KYNU: variants seen among roughly 807,000 people sequenced by gnomAD.
KYNU encodes kynureninase, also known as L-kynurenine hydrolase.
Under a neutral mutation model 59.2 loss-of-function variants are expected in KYNU, and 54 were observed. The observed-to-expected ratio is 0.91, with a 90% confidence interval of 0.73 to 1.14. The LOEUF (loss-of-function observed/expected upper bound fraction) is 1.14, where lower values mean the gene tolerates loss of function less well. Ranked by LOEUF, KYNU falls within the 50% of genes most tolerant of loss-of-function variation. The probability of loss-of-function intolerance (pLI) is 0.00; values close to 1 mark genes in which losing one functional copy is unlikely to be tolerated. For missense variants in KYNU, 567 were observed against 554.4 expected, an observed-to-expected ratio of 1.02 and a Z score of -0.23; for synonymous variants, 177 against 192.0, an observed-to-expected ratio of 0.92 and a Z score of 0.65.
intron 4 of KYNU, chr2:142,947,183 C>T (rs1216815161): frequency 3.6e-5 from 56 of 1,550,954 alleles, no homozygotes; most frequent in Non-Finnish European, 4.4e-5. Context: ...ATCTTGCTAA[C>T]GCAGACACCT....
chr2:143,000,728 T>C (rs1685685798), intron 10 of KYNU, among the ~76,000 whole-genome samples: 1 of 152,200 alleles, frequency 6.6e-6, no homozygotes, highest in East Asian at 1.9e-4. Context: ...AGATACTAAG[T>C]GAAACTGGGC....
intron 2 of KYNU, among the ~76,000 whole-genome samples, chr2:142,893,109 A>C (rs544044315): frequency 6.6e-6 from 1 of 152,354 alleles, no homozygotes; most frequent in East Asian, 1.9e-4. Flanking sequence ...GGAAAAATGA[A>C]ATGCATGTAG....
At chr2:142,961,294 T>A (rs1209539945) in intron 8 of KYNU, among the ~76,000 whole-genome samples, 1 of 145,530 alleles carries the variant, frequency 6.9e-6, no homozygotes, top group Non-Finnish European at 1.5e-5. Context: ...TTTTTTTTTT[T>A]TTTTTGCCAC....
intron 12 of KYNU, among the ~76,000 whole-genome samples, chr2:143,034,795 T>G (rs1404324990): frequency 6.6e-6 from 1 of 152,218 alleles, no homozygotes; most frequent in Non-Finnish European, 1.5e-5. Flanking sequence ...CTGCATTCCT[T>G]GCAAGTTTGT....
At chr2:142,965,229 C>T (rs1472814701) in intron 8 of KYNU, among the ~76,000 whole-genome samples, 1 of 152,208 alleles carries the variant, frequency 6.6e-6, no homozygotes, top group East Asian at 1.9e-4. Flanking sequence ...CACAAGATGT[C>T]TCTACTGTAT....
At chr2:142,971,308 ATGTGTGTGTG>A (rs5834932) in intron 8 of KYNU, 1 of 149,376 alleles carries the variant, frequency 6.7e-6, no homozygotes, top group Non-Finnish European at 1.5e-5. Context: ...CCACAACATT[ATGTGTGTGTG>A]TGTGTGTGTG....
Position 142,986,017 on chromosome 2 carries a change from C to A in KYNU, c.898C>A (p.Pro300Thr). Residue 300 changes from proline (P) to threonine (T), a missense_variant, in exon 10 of 14, where the codon CCT becomes ACT. Physicochemically the swap from Pro to Thr is conservative, Grantham distance 38. Transcript: ENST00000264170. ...IHEKHAHTIK[P>T]ALVGWFGHEL... ...TGAAAAGCATGCCCATACGATTAAA[C>A]CTGCGTGAGTACCATCTTCAGCTAA... 1 of 1,606,056 alleles carries A rather than the reference C, an allele frequency of 6.2e-7. No individual in the cohort carries two copies. Among genetic ancestry groups the A allele is most frequent in the Non-Finnish European group, 8.5e-7 (1 of 1,173,500 alleles).
In KYNU at chr2:143,018,731, G is replaced by A. The variant is rs547676356; in HGVS notation, c.903-10896G>A. Among the ~76,000 whole-genome samples the A allele has an allele frequency of 9.7e-4, 147 of 152,100 alleles. 1 individual carries two copies. The highest frequency in any genetic ancestry group is 3.3e-3 in the African/African-American group (138 of 41,528). On this transcript the variant is annotated intron_variant, in intron 10 of 13. Coordinates refer to ENST00000264170, the MANE Select transcript of KYNU (RefSeq NM_003937.3). The stretch of plus-strand genomic sequence containing the variant: ...GTTGAATCTGTAGATTGCTTTGAAC[G>A]GTATAGTCATTTTAACAATATTGAT...
Position 143,050,497 on chromosome 2 carries a change from C to A in KYNU, c.*8325C>A, listed in dbSNP as rs151282890. 2 of 152,136 alleles carry A rather than the reference C, an allele frequency of 1.3e-5. No homozygotes were observed. The highest frequency in any genetic ancestry group is 1.3e-4 in the Admixed American group (2 of 15,270). 9.4% of individuals were successfully genotyped at this position (152,136 alleles called of 1,614,324 possible). A position where few individuals can be genotyped will look rare whatever the true frequency, so the allele number is the denominator to read the frequency against. ...ATCTCATTCCTCAATACTATGGCTA[C>A]GTAGTATTCCATGGTGTATATATAC... On this transcript the variant is annotated 3_prime_UTR_variant, in exon 14 of 14. Transcript: ENST00000264170.
chr2:142,973,597 G>C lies in KYNU; in HGVS notation c.730-11487G>C, dbSNP rs138162524. On this transcript the variant is annotated intron_variant, in intron 8 of 13. Transcript: ENST00000264170. ...TTGCAGCAGCTTTCCCTCTAATTAA[G>C]AGCTTGCAAGCCTCCGTGTGCTTGG... Among the ~76,000 whole-genome samples, 34 of 152,138 alleles carry C rather than the reference G, an allele frequency of 2.2e-4. No homozygotes were observed. In the East Asian group the frequency reaches 5.0e-3, roughly 22 times the overall value.
At position 143,042,628 on chromosome 2, in the gene KYNU, A is replaced by ATG. The variant is rs1687091294; in HGVS notation, c.*457_*458insGT. 2 of 118,430 alleles carry ATG rather than the reference A, an allele frequency of 1.7e-5. No homozygotes were observed. Among genetic ancestry groups the ATG allele is most frequent in the Non-Finnish European group, 3.4e-5 (2 of 58,230 alleles). 7.3% of individuals were successfully genotyped at this position (118,430 alleles called of 1,614,324 possible). A position where few individuals can be genotyped will look rare whatever the true frequency, so the allele number is the denominator to read the frequency against. The stretch of plus-strand genomic sequence containing the variant: ...TATATATATATATATATATATATAT[A>ATG]TATGTGTGTGTGTGTGTGTGTATAT... On this transcript the variant is annotated 3_prime_UTR_variant, in exon 14 of 14. Coordinates refer to ENST00000264170, the MANE Select transcript of KYNU (RefSeq NM_003937.3).
At position 142,885,384 on chromosome 2, in the gene KYNU, T is replaced by A; in HGVS notation, c.17T>A (p.Leu6His). ...CAACTTGTAATGGAGCCTTCATCTC[T>A]TGAGCTGCCGGCTGACACAGTGCAG... Reference protein sequence around the residue: MEPSSLELPADTVQRI... With the variant: MEPSSHELPADTVQRI... Residue 6 changes from leucine (L) to histidine (H), a missense_variant, in exon 2 of 14, where the codon CTT becomes CAT. By Grantham distance (99) the Leu-to-His change is moderately conservative. Coordinates refer to ENST00000264170, the MANE Select transcript of KYNU (RefSeq NM_003937.3). 1 of 1,613,988 alleles carries A rather than the reference T, an allele frequency of 6.2e-7. No homozygotes were observed. The highest frequency in any genetic ancestry group is 8.5e-7 in the Non-Finnish European group (1 of 1,179,926).
chr2:142,947,696 ATATAC>A (rs1220982394), intron 4 of KYNU: 1 of 155,668 alleles, frequency 6.4e-6, no homozygotes, highest in African/African-American at 2.4e-5. Context: ...TCCCCTAGTA[ATATAC>A]TCTTTGGCAA....
chr2:143,003,297 C>T (rs1164879587), intron 10 of KYNU, among the ~76,000 whole-genome samples: 1 of 152,080 alleles, frequency 6.6e-6, no homozygotes, highest in Non-Finnish European at 1.5e-5. Flanking sequence ...GGGGGGGTGG[C>T]TCACACCTAT....
chr2:142,918,758 T>C (rs752238959), intron 3 of KYNU, 29 bp downstream of exon 3: 1 of 1,596,272 alleles, frequency 6.3e-7, no homozygotes, highest in Non-Finnish European at 8.6e-7. Context: ...GCTACTACTC[T>C]ACATCTCATA....
At chr2:143,020,682 G>C (rs1686379396) in intron 10 of KYNU, among the ~76,000 whole-genome samples, 1 of 152,102 alleles carries the variant, frequency 6.6e-6, no homozygotes. Context: ...TTTCTTTGTT[G>C]ATTTTCTGTG....
intron 2 of KYNU, among the ~76,000 whole-genome samples, chr2:142,918,345 T>C (rs1388251183): frequency 6.6e-6 from 1 of 152,172 alleles, no homozygotes; most frequent in Non-Finnish European, 1.5e-5. Context: ...TGATTGGAAG[T>C]ACTTGCTAAT....
At chr2:142,945,776 C>T (rs6761184) in intron 4 of KYNU, among the ~76,000 whole-genome samples, 27,369 of 149,666 alleles carry the variant, frequency 0.18, 3,294 homozygotes, top group African/African-American at 0.34. Flanking sequence ...CAGTCTCTAT[C>T]GCTCAGGCTG....
chr2:142,920,762 CTTTG>C (rs543754731), intron 3 of KYNU, among the ~76,000 whole-genome samples: 19 of 152,102 alleles, frequency 1.2e-4, no homozygotes, highest in Non-Finnish European at 1.8e-4. Context: ...TCCATCCTCG[CTTTG>C]TTTATTTTAG....
Sources: gnomAD v4.1 joint callset for allele counts (sites outside exome capture counted in the v4.1 genomes callset) on GRCh38, gnomAD v4.1.1 for gene constraint, MANE v1.5 for transcripts, NCBI Gene and HGNC (gene_info 2026-07-23, HGNC 2026-07-21) for gene names.